KATNIP: variants seen among roughly 807,000 people sequenced by gnomAD.
The protein encoded by KATNIP is katanin-interacting protein.
KATNIP carries 126 observed loss-of-function variants against 174.0 expected under a neutral mutation model. That is an observed-to-expected ratio of 0.72 (90% CI 0.63 to 0.84). KATNIP has a LOEUF of 0.84. KATNIP is among the 40% of genes least tolerant of loss of function. The pLI is 0.00. For synonymous variants in KATNIP, 810 were observed against 835.7 expected (o/e 0.97, Z 0.53); for missense variants, 1,958 against 2,109.7 (o/e 0.93, Z 1.41).
chr16:27,716,042 A>G (rs1464179150), intron 13 of KATNIP, among the ~76,000 whole-genome samples: 2 of 152,202 alleles, frequency 1.3e-5, no homozygotes, highest in Admixed American at 6.5e-5. Context: ...AAAAAGTAGT[A>G]GAAACAGCCA....
intron 7 of KATNIP, chr16:27,681,161 C>A: frequency 2.2e-6 from 1 of 462,116 alleles, no homozygotes; most frequent in Non-Finnish European, 4.0e-6. Flanking sequence ...ATTTGAAAAC[C>A]TGTGCATGTC....
At chr16:27,673,221 G>T (rs541187001) in intron 6 of KATNIP, among the ~76,000 whole-genome samples, 1 of 152,222 alleles carries the variant, frequency 6.6e-6, no homozygotes, top group African/African-American at 2.4e-5. Flanking sequence ...GTCTTACAGG[G>T]TTTTTCTGAG....
At chr16:27,621,464 A>G (rs750548501) in intron 3 of KATNIP, among the ~76,000 whole-genome samples, 1 of 152,092 alleles carries the variant, frequency 6.6e-6, no homozygotes, top group Non-Finnish European at 1.5e-5. Context: ...AAAAGCCCCT[A>G]CGTACATCCT....
At chr16:27,673,455 G>A (rs143402198) in intron 6 of KATNIP, among the ~76,000 whole-genome samples, 63 of 152,298 alleles carry the variant, frequency 4.1e-4, no homozygotes, top group African/African-American at 1.3e-3. Flanking sequence ...TTGCATGAAG[G>A]TTGCGTGAAC....
intron 2 of KATNIP, among the ~76,000 whole-genome samples, chr16:27,593,043 G>A (rs897141742): frequency 6.6e-6 from 1 of 152,136 alleles, no homozygotes; most frequent in African/African-American, 2.4e-5. Context: ...CAGGGTCCTG[G>A]GAGGTCCCCT....
intron 5 of KATNIP, among the ~76,000 whole-genome samples, chr16:27,635,454 T>G (rs2076604700): frequency 6.6e-6 from 1 of 152,110 alleles, no homozygotes; most frequent in Non-Finnish European, 1.5e-5. Flanking sequence ...CCCAGGCTTT[T>G]GGGAACCAAC....
chr16:27,663,842 T>C (rs1481145986), intron 6 of KATNIP, among the ~76,000 whole-genome samples: 3 of 152,042 alleles, frequency 2.0e-5, no homozygotes, highest in East Asian at 1.9e-4. Flanking sequence ...GACAGGGTCC[T>C]GTTCTGTCAC....
chr16:27,653,660 T>TC (rs2077182898), intron 6 of KATNIP, among the ~76,000 whole-genome samples: 1 of 152,110 alleles, frequency 6.6e-6, no homozygotes, highest in Non-Finnish European at 1.5e-5. Context: ...TTCCCACTTT[T>TC]TTTTTTTTTT....
chr16:27,655,933 G>A (rs1346423669), intron 6 of KATNIP, among the ~76,000 whole-genome samples: 1 of 152,158 alleles, frequency 6.6e-6, no homozygotes, highest in Non-Finnish European at 1.5e-5. Context: ...ATTCAGAGGT[G>A]ACCATCCATC....
chr16:27,645,717 C>T (rs1441848195), intron 5 of KATNIP, among the ~76,000 whole-genome samples: 1 of 152,178 alleles, frequency 6.6e-6, no homozygotes, highest in Non-Finnish European at 1.5e-5. Context: ...CTGCTGTGTT[C>T]CCAAACATCC....
In KATNIP at chr16:27,761,523, A is replaced by T. The variant is rs780791845; in HGVS notation, c.3742A>T (p.Ile1248Phe). The change falls in exon 19 of 28, where the codon ATC becomes TTC. Residue 1248 changes from isoleucine (I) to phenylalanine (F), a missense_variant. By Grantham distance (21) the Ile-to-Phe change is conservative. Around this residue, in one of 3 missense-constraint regions of KATNIP, gnomAD observed 1,557 missense variants for 1,617.8 expected, o/e 0.96. Coordinates refer to ENST00000261588, the MANE Select transcript of KATNIP (RefSeq NM_015202.5). Reference protein sequence around the residue: ...GQALPIHLHQISASPRDLNEL... With the variant: ...GQALPIHLHQFSASPRDLNEL... Reference sequence around the variant, plus strand: ...GGCGCTGCCCATCCACCTGCACCAGATCTCTGCTTCCCCCAGAGACTTAAA... The same window carrying T: ...GGCGCTGCCCATCCACCTGCACCAGTTCTCTGCTTCCCCCAGAGACTTAAA... The T allele has an allele frequency of 1.2e-6, 2 of 1,614,054 alleles. No individual in the cohort carries two copies. The highest frequency in any genetic ancestry group is 1.7e-6 in the Non-Finnish European group (2 of 1,180,000).
intron 3 of KATNIP, among the ~76,000 whole-genome samples, chr16:27,627,020 C>T (rs961373444): frequency 6.6e-6 from 1 of 151,476 alleles, no homozygotes; most frequent in African/African-American, 2.4e-5. Flanking sequence ...GTAACTTCTT[C>T]ATATCGTTGA....
At chr16:27,690,315 CAGATAGATAGATAGAT>C (rs3056270) in intron 8 of KATNIP, among the ~76,000 whole-genome samples, 13 of 128,658 alleles carry the variant, frequency 1.0e-4, no homozygotes, top group Admixed American at 2.5e-4. Context: ...GACCCCATCT[CAGATAGATAGATAGAT>C]AGATAGATAG....
chr16:27,661,730 A>G (rs1412321328), intron 6 of KATNIP, among the ~76,000 whole-genome samples: 2 of 146,496 alleles, frequency 1.4e-5, no homozygotes, highest in South Asian at 4.4e-4. Context: ...AATTATTTCT[A>G]TGTTGGCAAC....
intron 8 of KATNIP, among the ~76,000 whole-genome samples, chr16:27,691,495 C>G (rs1269497147): frequency 1.3e-5 from 2 of 152,192 alleles, no homozygotes; most frequent in African/African-American, 4.8e-5. Context: ...ATGGGGTATT[C>G]AGGCTAGCAT....
At chr16:27,573,214 G>A (rs1371268863) in intron 1 of KATNIP, among the ~76,000 whole-genome samples, 1 of 152,230 alleles carries the variant, frequency 6.6e-6, no homozygotes, top group East Asian at 1.9e-4. Flanking sequence ...AGTGACTCTT[G>A]TTTTATATTT....
intron 8 of KATNIP, among the ~76,000 whole-genome samples, chr16:27,692,798 G>A (rs143222777): frequency 6.6e-6 from 1 of 152,210 alleles, no homozygotes; most frequent in East Asian, 1.9e-4. Flanking sequence ...AGGGCAGAAA[G>A]TGTGCCCGTT....
intron 1 of KATNIP, among the ~76,000 whole-genome samples, chr16:27,565,029 G>A (rs778393794): frequency 6.6e-6 from 1 of 151,550 alleles, no homozygotes; most frequent in Non-Finnish European, 1.5e-5. Context: ...CTCCCAAAGT[G>A]CTGGGATTAT....
chr16:27,639,122 G>A (rs917848885), intron 5 of KATNIP, among the ~76,000 whole-genome samples: 8 of 152,156 alleles, frequency 5.3e-5, no homozygotes, highest in African/African-American at 1.4e-4. Context: ...GAGGGGCTGC[G>A]TCAGGTACAC....
Sources: gnomAD v4.1 joint callset for allele counts (sites outside exome capture counted in the v4.1 genomes callset) on GRCh38, gnomAD v4.1.1 for gene constraint, gnomAD v4.1.1 regional missense constraint, MANE v1.5 for transcripts, NCBI Gene and HGNC (gene_info 2026-07-23, HGNC 2026-07-21) for gene names.